Variants in SIRT1 observed in about 807,000 individuals in gnomAD.
SIRT1 encodes sirtuin 1.
SIRT1 carries 24 observed loss-of-function variants against 67.9 expected under a neutral mutation model. The observed-to-expected ratio is 0.35, with a 90% CI of 0.26 to 0.50. SIRT1 has a LOEUF of 0.50. Among genes scored for constraint, SIRT1 ranks in the 20% least tolerant of loss-of-function variants. SIRT1 has a pLI of 0.98. For missense variants in SIRT1, 873 were observed against 937.2 expected, an observed-to-expected ratio of 0.93 and a Z score of 0.89; for synonymous variants, 378 against 350.7, an observed-to-expected ratio of 1.08 and a Z score of -0.87.
chr10:67,894,508 T>C (rs1260247198), intron 4 of SIRT1, among the ~76,000 whole-genome samples: 1 of 152,198 alleles, frequency 6.6e-6, no homozygotes, highest in Non-Finnish European at 1.5e-5. Context: ...GCTAGGACAC[T>C]GGCATTTATA....
chr10:67,891,649 A>G (rs1338034683), intron 4 of SIRT1, 95 bp downstream of exon 4: 12 of 1,245,274 alleles, frequency 9.6e-6, no homozygotes, highest in Non-Finnish European at 1.1e-5. Context: ...TTCATTGTTT[A>G]GTAAAGTGAA....
rs2029950073 is a variant in SIRT1 at position 67,917,227 on chromosome 10, T to C, written c.*634T>C. ...TTGTCTTTACTTTTAAAAGTAATAC[T>C]TGGTGCTAAGAATTTCAGGATTATT... On this transcript the variant is annotated 3_prime_UTR_variant, in exon 9 of 9. Transcript: ENST00000212015. 6.6e-6 allele frequency: 1 copy of C among 152,648 alleles called. No homozygotes were observed. Among genetic ancestry groups the C allele is most frequent in the South Asian group, 2.1e-4 (1 of 4,836 alleles). 9.5% of individuals were successfully genotyped at this position (152,648 alleles called of 1,614,324 possible).
chr10:67,893,492 AGTT>A, intron 4 of SIRT1, among the ~76,000 whole-genome samples: 1 of 150,808 alleles, frequency 6.6e-6, no homozygotes, highest in Non-Finnish European at 1.5e-5. Flanking sequence ...AATCGTTAGA[AGTT>A]GTGAATAGGG....
At chr10:67,891,216 A>C (rs1308667336) in intron 3 of SIRT1, among the ~76,000 whole-genome samples, 186 bp from the exon 4 acceptor site, 1 of 152,098 alleles carries the variant, frequency 6.6e-6, no homozygotes, top group East Asian at 1.9e-4. Flanking sequence ...GGTATGTTTA[A>C]TTTTACTCAG....
At position 67,890,236 on chromosome 10, in the gene SIRT1, A is replaced by G. The variant is rs1489876033; in HGVS notation, c.789+1113A>G. 7.9e-5 allele frequency among the ~76,000 whole-genome samples: 12 copies of G among 152,196 alleles called. No individual in the cohort carries two copies. The East Asian group carries it at 2.1e-3, about 27-fold the overall frequency. On this transcript the variant is annotated intron_variant, in intron 3 of 8. Coordinates refer to ENST00000212015, the MANE Select transcript of SIRT1 (RefSeq NM_012238.5). Reference sequence around the variant, plus strand: ...ACACCTGGCTAATTTTTGTATTTTTAGTAGAGATGGGGTTTCACCATATTG... The same window carrying G: ...ACACCTGGCTAATTTTTGTATTTTTGGTAGAGATGGGGTTTCACCATATTG...
At chr10:67,906,397 A>T (rs1285711493) in intron 4 of SIRT1, 2 of 1,087,232 alleles carry the variant, frequency 1.8e-6, no homozygotes, top group Non-Finnish European at 2.6e-6. Context: ...TTTTTTTTTA[A>T]ATCACCCTAC....
Position 67,885,066 on chromosome 10 carries a change from G to T in SIRT1, c.345G>T (p.Pro115=), listed in dbSNP as rs748849181. The T allele has an allele frequency of 7.7e-6, 11 of 1,435,704 alleles. No homozygotes were observed. In the South Asian group the frequency reaches 1.4e-4, roughly 18 times the overall value. The allele number at this position is 1,435,704 out of a possible 1,614,324, so 88.9% of individuals were successfully genotyped here. Residue 115 remains proline (P), a synonymous_variant, in exon 1 of 9, where the codon CCG becomes CCT. Transcript: ENST00000212015. ...TGCAGGGCCCATCTCGGGAGCCACC[G>T]CTGGCCGACAACTTGTACGACGAAG... ...PGLQGPSREP[P]LADNLYDEDD...
At chr10:67,911,126 A>G (rs1272644323) in intron 7 of SIRT1, among the ~76,000 whole-genome samples, 4 of 152,252 alleles carry the variant, frequency 2.6e-5, no homozygotes, top group Admixed American at 2.0e-4. Context: ...ATGAAAATTT[A>G]ATATACAAAT....
intron 1 of SIRT1, among the ~76,000 whole-genome samples, chr10:67,885,606 A>G (rs1331098266): frequency 6.6e-6 from 1 of 151,448 alleles, no homozygotes; most frequent in Non-Finnish European, 1.5e-5. Flanking sequence ...CAAACTTGAC[A>G]CCTGTGCAGT....
intron 4 of SIRT1, 33 bp downstream of exon 4, chr10:67,891,587 C>T (rs562845022): frequency 6.2e-7 from 1 of 1,606,824 alleles, no homozygotes; most frequent in Non-Finnish European, 8.5e-7. Flanking sequence ...TTTCTTTGGC[C>T]TTCTCTCATG....
At position 67,891,453 on chromosome 10, in the gene SIRT1, G is replaced by A. The variant is rs1842572334; in HGVS notation, c.841G>A (p.Ala281Thr). The change falls in exon 4 of 9, where the codon GCT becomes ACT. Residue 281 changes from alanine (A) to threonine (T), a missense_variant. Coordinates refer to ENST00000212015, the MANE Select transcript of SIRT1 (RefSeq NM_012238.5). Reference sequence around the variant, plus strand: ...CTTCAGGTCAAGGGATGGTATTTATGCTCGCCTTGCTGTAGACTTCCCAGA... The same window carrying A: ...CTTCAGGTCAAGGGATGGTATTTATACTCGCCTTGCTGTAGACTTCCCAGA... ...PDFRSRDGIY[A>T]RLAVDFPDLP... The A allele has an allele frequency of 2.5e-6, 4 of 1,613,954 alleles. No individual in the cohort carries two copies. Among genetic ancestry groups the A allele is most frequent in the Admixed American group, 1.7e-5 (1 of 59,992 alleles).
chr10:67,904,133 T>G (rs867508329), intron 4 of SIRT1, among the ~76,000 whole-genome samples: 12,162 of 148,912 alleles, frequency 0.082, 1,331 homozygotes, highest in African/African-American at 0.25. Context: ...GTTTGTTTTT[T>G]TTTTTTTTTT....
At chr10:67,900,708 T>A (rs1332805472) in intron 4 of SIRT1, among the ~76,000 whole-genome samples, 2 of 152,090 alleles carry the variant, frequency 1.3e-5, no homozygotes, top group African/African-American at 4.8e-5. Flanking sequence ...CTACTCAAAG[T>A]GCTGGGATTG....
chr10:67,893,152 A>C (rs562742918), intron 4 of SIRT1, among the ~76,000 whole-genome samples: 1 of 151,456 alleles, frequency 6.6e-6, no homozygotes, highest in African/African-American at 2.4e-5. Context: ...ATTTTACTTT[A>C]AGTGCCGGGA....
intron 8 of SIRT1, among the ~76,000 whole-genome samples, chr10:67,913,687 T>G (rs1379637311): frequency 1.3e-5 from 2 of 152,192 alleles, no homozygotes; most frequent in African/African-American, 2.4e-5. Flanking sequence ...ATGTTTTAAG[T>G]CCAAGTAGTC....
chr10:67,908,571 T>A (rs971338253), intron 6 of SIRT1, among the ~76,000 whole-genome samples: 6 of 152,106 alleles, frequency 3.9e-5, no homozygotes, highest in Admixed American at 3.9e-4. Context: ...TATATGGAGG[T>A]AATCATGTCA....
In SIRT1 at chr10:67,885,102, C is replaced by G; in HGVS notation, c.381C>G (p.Asp127Glu). 6.9e-7 allele frequency: 1 copy of G among 1,442,234 alleles called. No homozygotes were observed. Among genetic ancestry groups the G allele is most frequent in the Admixed American group, 2.7e-5 (1 of 36,898 alleles). 89.3% of individuals were successfully genotyped at this position (1,442,234 alleles called of 1,614,324 possible). A position where few individuals can be genotyped will look rare whatever the true frequency, so the allele number is the denominator to read the frequency against. The change falls in exon 1 of 9, where the codon GAC becomes GAG. Residue 127 changes from aspartate to glutamate, a missense_variant. Around this residue, in one of 3 missense-constraint regions of SIRT1, gnomAD observed 327 missense variants for 283.9 expected, o/e 1.15. Coordinates refer to ENST00000212015, the MANE Select transcript of SIRT1 (RefSeq NM_012238.5). ...ADNLYDEDDD[D>E]EGEEEEEAAA... ...ACTTGTACGACGAAGACGACGACGA[C>G]GAGGGCGAGGAGGAGGAAGAGGCGG...
rs777781282 is a variant in SIRT1, at chr10:67,909,300, T to C, written c.1215T>C (p.Ala405=). The stretch of plus-strand genomic sequence containing the variant: ...GGTGCCCAGCTGATGAACCGCTTGC[T>C]ATCATGAAACCAGAGATTGTGTTTT... The part of the protein sequence containing the change: ...CPRCPADEPL[A]IMKPEIVFFG... Residue 405 remains alanine (A), a synonymous_variant, in exon 7 of 9, where the codon GCT becomes GCC. Coordinates refer to ENST00000212015, the MANE Select transcript of SIRT1 (RefSeq NM_012238.5). The C allele has an allele frequency of 6.2e-7, 1 of 1,612,808 alleles. No individual in the cohort carries two copies. The highest frequency in any genetic ancestry group is 8.5e-7 in the Non-Finnish European group (1 of 1,179,634).
chr10:67,895,216 T>C (rs1842634643), intron 4 of SIRT1, among the ~76,000 whole-genome samples: 1 of 151,992 alleles, frequency 6.6e-6, no homozygotes, highest in Non-Finnish European at 1.5e-5. Flanking sequence ...GGTCAGGAGT[T>C]CAAGACCAGC....
Sources: allele counts gnomAD v4.1 joint callset (sites outside exome capture counted in the v4.1 genomes callset), GRCh38; gene constraint gnomAD v4.1.1; regional missense constraint gnomAD v4.1.1; transcripts MANE v1.5; gene names NCBI Gene and HGNC (gene_info 2026-07-23, HGNC 2026-07-21).